ZNF407: variants seen among roughly 807,000 people sequenced by gnomAD.
ZNF407 encodes the protein zinc finger protein 407.
Under a neutral mutation model 131.2 loss-of-function variants are expected in ZNF407, and 17 were observed. The observed-to-expected ratio is 0.13, with a 90% CI of 0.09 to 0.19. ZNF407 has a LOEUF of 0.19. ZNF407 is among the 10% of genes least tolerant of loss of function. The pLI is 1.00. For synonymous variants in ZNF407, 1,156 were observed against 1,062.0 expected, an observed-to-expected ratio of 1.09 and a Z score of -1.72; for missense variants, 2,681 against 2,830.6, an observed-to-expected ratio of 0.95 and a Z score of 1.20.
chr18:74,692,739 T>A (rs1273340919), intron 3 of ZNF407, among the ~76,000 whole-genome samples: 7 of 152,126 alleles, frequency 4.6e-5, no homozygotes, highest in Non-Finnish European at 1.0e-4. Flanking sequence ...CTCAAAGATG[T>A]AGTGGAACTG....
intron 8 of ZNF407, among the ~76,000 whole-genome samples, chr18:74,986,122 C>G (rs899673339): frequency 6.6e-6 from 1 of 152,178 alleles, no homozygotes; most frequent in Admixed American, 6.5e-5. Context: ...TATGCAGACA[C>G]ATCCACTGCC....
intron 7 of ZNF407, among the ~76,000 whole-genome samples, chr18:74,896,316 C>T (rs967561010): frequency 3.9e-5 from 6 of 151,940 alleles, no homozygotes; most frequent in Non-Finnish European, 8.8e-5. Context: ...TCATTTACCT[C>T]AAGTCTATAT....
At chr18:74,794,089 C>T (rs1969874912) in intron 4 of ZNF407, among the ~76,000 whole-genome samples, 1 of 152,158 alleles carries the variant, frequency 6.6e-6, no homozygotes. Flanking sequence ...CTCTCCGAAG[C>T]CTCTGGTGTT....
At chr18:74,991,087 C>A (rs1460776717) in intron 8 of ZNF407, among the ~76,000 whole-genome samples, 1 of 152,166 alleles carries the variant, frequency 6.6e-6, no homozygotes, top group East Asian at 1.9e-4. Context: ...AGCTTACTTG[C>A]ACATTGAATT....
At chr18:74,737,372 T>A (rs1402527191) in intron 3 of ZNF407, among the ~76,000 whole-genome samples, 1 of 152,238 alleles carries the variant, frequency 6.6e-6, no homozygotes, top group Non-Finnish European at 1.5e-5. Context: ...AATACTATCT[T>A]ACTCTGGAGA....
intron 3 of ZNF407, among the ~76,000 whole-genome samples, chr18:74,668,121 G>C (rs1422509488): frequency 1.3e-5 from 2 of 152,124 alleles, no homozygotes; most frequent in African/African-American, 4.8e-5. Context: ...AGGTTTCTGA[G>C]TGCCAATATG....
At chr18:74,754,704 G>A (rs1166929143) in intron 3 of ZNF407, among the ~76,000 whole-genome samples, 1 of 152,186 alleles carries the variant, frequency 6.6e-6, no homozygotes, top group African/African-American at 2.4e-5. Context: ...TTGCACTGTG[G>A]TCTGAGAGAC....
At chr18:75,032,453 T>A (rs1389486357) in intron 8 of ZNF407, among the ~76,000 whole-genome samples, 1 of 152,222 alleles carries the variant, frequency 6.6e-6, no homozygotes, top group Non-Finnish European at 1.5e-5. Flanking sequence ...ATGCTTTTGT[T>A]GTGTTCAAAA....
intron 3 of ZNF407, among the ~76,000 whole-genome samples, chr18:74,725,536 T>C (rs544644977): frequency 3.3e-5 from 5 of 152,340 alleles, no homozygotes; most frequent in Admixed American, 3.3e-4. Flanking sequence ...TCATGTGTGT[T>C]ACATCTTGTC....
chr18:74,993,286 A>G (rs1362193307), intron 8 of ZNF407, among the ~76,000 whole-genome samples: 3 of 152,244 alleles, frequency 2.0e-5, no homozygotes, highest in Non-Finnish European at 2.9e-5. Context: ...TGAATGGACA[A>G]TTCATCCGTA....
intron 3 of ZNF407, among the ~76,000 whole-genome samples, chr18:74,698,327 G>A (rs1358848276): frequency 6.6e-6 from 1 of 152,078 alleles, no homozygotes; most frequent in Non-Finnish European, 1.5e-5. Flanking sequence ...ATTTTAAGAT[G>A]GACATATCAA....
At chr18:74,919,467 A>G (rs1477092165) in intron 7 of ZNF407, among the ~76,000 whole-genome samples, 1 of 152,162 alleles carries the variant, frequency 6.6e-6, no homozygotes, top group Non-Finnish European at 1.5e-5. Flanking sequence ...GTTCATGGGA[A>G]TCTTTCTTCT....
At chr18:74,599,948 C>T (rs1298033412) in intron 1 of ZNF407, among the ~76,000 whole-genome samples, 1 of 152,218 alleles carries the variant, frequency 6.6e-6, no homozygotes, top group Non-Finnish European at 1.5e-5. Context: ...CTCCACTGAG[C>T]GTTTTCCTTG....
intron 3 of ZNF407, among the ~76,000 whole-genome samples, chr18:74,694,950 C>T (rs1470003775): frequency 2.0e-5 from 3 of 152,072 alleles, no homozygotes; most frequent in Non-Finnish European, 2.9e-5. Flanking sequence ...TAATATATGA[C>T]ACTGATCTAT....
chr18:74,976,909 C>G (rs1371205528), intron 8 of ZNF407, among the ~76,000 whole-genome samples: 1 of 101,764 alleles, frequency 9.8e-6, no homozygotes, highest in South Asian at 2.7e-4. Context: ...AGGAAAACAT[C>G]TCTACTGACA....
intron 3 of ZNF407, among the ~76,000 whole-genome samples, chr18:74,720,355 T>A (rs1968001163): frequency 6.6e-6 from 1 of 152,026 alleles, no homozygotes; most frequent in African/African-American, 2.4e-5. Context: ...GGATTTTTTT[T>A]TTTTTTGCTA....
intron 8 of ZNF407, among the ~76,000 whole-genome samples, chr18:74,965,653 A>T (rs553325219): frequency 6.6e-6 from 1 of 152,064 alleles, no homozygotes. Flanking sequence ...TGATGTATGG[A>T]TTACCTTTAT....
intron 4 of ZNF407, among the ~76,000 whole-genome samples, chr18:74,834,454 A>G (rs1179024751): frequency 6.6e-6 from 1 of 152,218 alleles, no homozygotes; most frequent in Non-Finnish European, 1.5e-5. Flanking sequence ...TAGTATAGAC[A>G]TCTTTGAGAG....
At chr18:74,747,559 C>G (rs1379633940) in intron 3 of ZNF407, among the ~76,000 whole-genome samples, 2 of 151,790 alleles carry the variant, frequency 1.3e-5, no homozygotes, top group African/African-American at 4.8e-5. Context: ...CTAAGCTCAG[C>G]AGAATTTCAA....
Sources: allele counts gnomAD v4.1 joint callset (sites outside exome capture counted in the v4.1 genomes callset), GRCh38; gene constraint gnomAD v4.1.1; transcripts MANE v1.5; gene names NCBI Gene and HGNC (gene_info 2026-07-23, HGNC 2026-07-21).